The following CPLX2 variants were observed in gnomAD, a reference collection of about 807,000 sequenced individuals.
CPLX2 encodes the protein complexin-2.
In CPLX2, 5 loss-of-function variants were observed where a neutral mutation model predicts 16.3. The ratio of observed to expected loss-of-function variants is 0.31; its 90% CI spans 0.16 to 0.64. The LOEUF is 0.64. Among genes scored for constraint, CPLX2 ranks in the 30% least tolerant of loss-of-function variants. The pLI, the probability that CPLX2 is intolerant of heterozygous loss-of-function variation, is 0.79. For missense variants in CPLX2, 144 were observed against 181.4 expected, an observed-to-expected ratio of 0.79 and a Z score of 1.18; for synonymous variants, 89 against 73.2, an observed-to-expected ratio of 1.22 and a Z score of -1.10.
intron 2 of CPLX2, among the ~76,000 whole-genome samples, chr5:175,855,389 G>A (rs1186369374): frequency 6.6e-6 from 1 of 152,234 alleles, no homozygotes; most frequent in Non-Finnish European, 1.5e-5. Flanking sequence ...AATAACACAT[G>A]TGAACTACTT....
intron 2 of CPLX2, among the ~76,000 whole-genome samples, chr5:175,854,701 A>G (rs1453310395): frequency 6.6e-6 from 1 of 152,268 alleles, no homozygotes; most frequent in Non-Finnish European, 1.5e-5. Context: ...AAATATGTAT[A>G]CAAAGATAAG....
At chr5:175,819,277 C>T (rs559879302) in intron 2 of CPLX2, among the ~76,000 whole-genome samples, 1 of 152,310 alleles carries the variant, frequency 6.6e-6, no homozygotes, top group South Asian at 2.1e-4. Flanking sequence ...GGAGTTGCTG[C>T]ATCACACGAG....
rs369047189 is a variant in CPLX2 at position 175,840,267 on chromosome 5, A to G, written c.-89+31199A>G. Among the ~76,000 whole-genome samples the G allele has an allele frequency of 2.9e-4, 44 of 152,340 alleles. 1 individual carries two copies. The South Asian group carries it at 8.9e-3, about 31-fold the overall frequency. On this transcript the variant is annotated intron_variant, in intron 2 of 4. Coordinates refer to the CPLX2 transcript ENST00000359546. ...CTAAAATGCCAACCTCAGCAACTAA[A>G]AATTAGTGATTCACTATACTGAAAT...
intron 2 of CPLX2, among the ~76,000 whole-genome samples, chr5:175,820,456 G>C (rs1758484057): frequency 6.6e-6 from 1 of 152,166 alleles, no homozygotes. Context: ...CTGAAAGCAG[G>C]TGTGGTGGGC....
At chr5:175,877,627 TG>T (rs1465103911) in intron 1 of CPLX2, among the ~76,000 whole-genome samples, 1 of 152,090 alleles carries the variant, frequency 6.6e-6, no homozygotes, top group East Asian at 1.9e-4. Context: ...TAAAGAACAG[TG>T]GAACTGAATG....
chr5:175,838,165 G>C (rs1262226486), intron 2 of CPLX2, among the ~76,000 whole-genome samples: 3 of 152,066 alleles, frequency 2.0e-5, no homozygotes, highest in African/African-American at 4.8e-5. Context: ...ACGTAAGGGA[G>C]CGTCCTAATG....
At chr5:175,861,055 CTAT>C (rs1398040760) in intron 2 of CPLX2, among the ~76,000 whole-genome samples, 1 of 151,514 alleles carries the variant, frequency 6.6e-6, no homozygotes, top group African/African-American at 2.4e-5. Flanking sequence ...GATGCCAGAG[CTAT>C]TATTATGCTC....
chr5:175,879,122 A>G, intron 3 of CPLX2, 39 bp downstream of exon 3: 1 of 1,536,718 alleles, frequency 6.5e-7, no homozygotes, highest in African/African-American at 1.4e-5. Flanking sequence ...GGAGGGCCAC[A>G]AGCGGGTAAA....
chr5:175,807,047 T>C (rs1234741466), intron 1 of CPLX2, among the ~76,000 whole-genome samples: 1 of 152,166 alleles, frequency 6.6e-6, no homozygotes, highest in African/African-American at 2.4e-5. Flanking sequence ...CTGTTTTGTT[T>C]ACACCAACAC....
At chr5:175,820,335 T>C (rs1444665483) in intron 2 of CPLX2, among the ~76,000 whole-genome samples, 1 of 152,226 alleles carries the variant, frequency 6.6e-6, no homozygotes, top group East Asian at 1.9e-4. Context: ...CCGACACTTC[T>C]GTGACTAGCG....
At chr5:175,847,174 G>A (rs1004427890) in intron 2 of CPLX2, among the ~76,000 whole-genome samples, 3 of 152,252 alleles carry the variant, frequency 2.0e-5, no homozygotes, top group Non-Finnish European at 2.9e-5. Context: ...GGAAGTTTCT[G>A]AGCAGGGGAG....
intron 2 of CPLX2, among the ~76,000 whole-genome samples, chr5:175,860,506 GAAAGAAAGA>G: frequency 5.1e-5 from 1 of 19,706 alleles, no homozygotes; most frequent in African/African-American, 2.4e-4. Flanking sequence ...AGAAAAGAAA[GAAAGAAAGA>G]AAAAGAAAGA....
chr5:175,816,223 A>G (rs955769543), intron 2 of CPLX2, among the ~76,000 whole-genome samples: 8 of 151,918 alleles, frequency 5.3e-5, no homozygotes, highest in South Asian at 2.1e-4. Flanking sequence ...GCTGGAGTGC[A>G]GTGGTGCAAT....
At chr5:175,850,884 A>C (rs1581091544) in intron 2 of CPLX2, among the ~76,000 whole-genome samples, 1 of 151,884 alleles carries the variant, frequency 6.6e-6, no homozygotes, top group East Asian at 1.9e-4. Flanking sequence ...TGAGGCAGAG[A>C]CACAACTAGG....
chr5:175,818,901 G>T (rs1047723031), intron 2 of CPLX2, among the ~76,000 whole-genome samples: 11 of 152,028 alleles, frequency 7.2e-5, no homozygotes, highest in African/African-American at 2.7e-4. Context: ...TTGATCTCAT[G>T]ATCGGCCCAC....
At chr5:175,819,196 C>T (rs1340820909) in intron 2 of CPLX2, among the ~76,000 whole-genome samples, 2 of 152,082 alleles carry the variant, frequency 1.3e-5, no homozygotes, top group East Asian at 3.9e-4. Context: ...AGAAGCGCTG[C>T]CATGAAGATT....
intron 1 of CPLX2, among the ~76,000 whole-genome samples, chr5:175,877,203 G>A (rs541285173): frequency 6.6e-6 from 1 of 150,516 alleles, no homozygotes; most frequent in African/African-American, 2.5e-5. Flanking sequence ...CAAAGCCCCT[G>A]GGCTGTTTTG....
At position 175,839,607 on chromosome 5, in the gene CPLX2, G is replaced by A. The variant is rs1020059563; in HGVS notation, c.-89+30539G>A. Among the ~76,000 whole-genome samples the A allele has an allele frequency of 7.9e-5, 12 of 152,306 alleles. No homozygotes were observed. The South Asian group carries it at 2.1e-3, about 26-fold the overall frequency. On this transcript the variant is annotated intron_variant, in intron 2 of 4. Transcript: ENST00000359546. ...GGCCTCAACCTTAAACAATTTTAAG[G>A]TGATATGTTTGGTAATGTATCTGTG...
intron 2 of CPLX2, among the ~76,000 whole-genome samples, chr5:175,847,354 TG>T (rs1031573799): frequency 6.6e-6 from 1 of 152,150 alleles, no homozygotes; most frequent in African/African-American, 2.4e-5. Context: ...AAGCAGGGGC[TG>T]GGTCCGAGGT....
Sources: allele counts gnomAD v4.1 joint callset (sites outside exome capture counted in the v4.1 genomes callset), GRCh38; gene constraint gnomAD v4.1.1; transcripts MANE v1.5; gene names NCBI Gene and HGNC (gene_info 2026-07-23, HGNC 2026-07-21).